MGAT4C: variants seen among roughly 807,000 people sequenced by gnomAD.
MGAT4C encodes the protein alpha-1,3-mannosyl-glycoprotein 4-beta-N-acetylglucosaminyltransferase C.
In MGAT4C, 19 loss-of-function variants were observed where a neutral mutation model predicts 40.1. That is an observed-to-expected ratio of 0.47 (90% confidence interval 0.33 to 0.70). MGAT4C has a LOEUF of 0.70. Ranked by LOEUF, MGAT4C falls within the 30% of genes least tolerant of loss-of-function variation. The pLI, the probability that MGAT4C is intolerant of heterozygous loss-of-function variation, is 0.02. For synonymous variants in MGAT4C, 181 were observed against 187.1 expected, an observed-to-expected ratio of 0.97 and a Z score of 0.27; for missense variants, 491 against 563.2, an observed-to-expected ratio of 0.87 and a Z score of 1.30.
intron 2 of MGAT4C, among the ~76,000 whole-genome samples, chr12:86,465,653 A>G (rs1008500968): frequency 6.6e-5 from 10 of 152,144 alleles, no homozygotes; most frequent in Admixed American, 4.6e-4. Context: ...TGTCTTTTGG[A>G]AACTGCAAAA....
chr12:86,568,724 A>T (rs1003265229), intron 2 of MGAT4C, among the ~76,000 whole-genome samples: 1 of 151,992 alleles, frequency 6.6e-6, no homozygotes, highest in African/African-American at 2.4e-5. Context: ...TGGTATAAAA[A>T]CAGAAACATA....
chr12:86,090,584 C>T (rs764859763), intron 1 of MGAT4C, among the ~76,000 whole-genome samples: 4 of 151,638 alleles, frequency 2.6e-5, no homozygotes, highest in Admixed American at 6.6e-5. Context: ...ATTCTAATAC[C>T]GCAATGAGAA....
At chr12:86,514,383 T>A (rs1303297968) in intron 2 of MGAT4C, among the ~76,000 whole-genome samples, 13 of 152,136 alleles carry the variant, frequency 8.5e-5, no homozygotes, top group Admixed American at 3.3e-4. Flanking sequence ...GACACGAGTT[T>A]ATTATATGTC....
At chr12:86,614,947 T>C (rs1962403311) in intron 2 of MGAT4C, among the ~76,000 whole-genome samples, 1 of 152,004 alleles carries the variant, frequency 6.6e-6, no homozygotes, top group African/African-American at 2.4e-5. Context: ...TCTTTTGGTA[T>C]TGGGATTATG....
At chr12:86,088,445 T>C (rs1409608259) in intron 1 of MGAT4C, among the ~76,000 whole-genome samples, 1 of 151,852 alleles carries the variant, frequency 6.6e-6, no homozygotes, top group African/African-American at 2.4e-5. Context: ...ACCTACAGAA[T>C]AGTGGAAAAT....
chr12:86,273,535 C>A (rs1335778258), intron 4 of MGAT4C, among the ~76,000 whole-genome samples: 3 of 152,028 alleles, frequency 2.0e-5, no homozygotes, highest in Non-Finnish European at 4.4e-5. Context: ...AATCTGCATG[C>A]AACATACATA....
rs568959172 is a variant in MGAT4C, at chr12:86,511,298, CAA to C, written c.-228-76035_-228-76034del. On this transcript the variant is annotated intron_variant, in intron 2 of 7. Transcript: ENST00000548651. ...AGATGTTCTTTGAAACCAACGAGAA[CAA>C]AGACACAACATACCAGAATCTCTGG... Among the ~76,000 whole-genome samples the C allele has an allele frequency of 3.3e-3, 498 of 152,174 alleles. 1 individual carries two copies. Among genetic ancestry groups the C allele is most frequent in the African/African-American group, 0.012 (481 of 41,522 alleles).
chr12:86,288,797 G>T (rs1459995268), intron 4 of MGAT4C, among the ~76,000 whole-genome samples: 1 of 152,004 alleles, frequency 6.6e-6, no homozygotes, highest in Non-Finnish European at 1.5e-5. Flanking sequence ...GCTCCTTAGA[G>T]ATTCCAGATA....
chr12:86,364,774 T>C (rs955879140), intron 3 of MGAT4C, among the ~76,000 whole-genome samples: 1 of 152,146 alleles, frequency 6.6e-6, no homozygotes, highest in African/African-American at 2.4e-5. Flanking sequence ...CAAGTTTTTA[T>C]TAGTGATTTC....
chr12:86,416,208 T>G (rs1757048251), intron 3 of MGAT4C, among the ~76,000 whole-genome samples: 2 of 152,072 alleles, frequency 1.3e-5, no homozygotes, highest in Admixed American at 6.6e-5. Context: ...GGAAGTATTT[T>G]TTATTCAAGT....
chr12:86,749,327 T>C (rs892379792), intron 1 of MGAT4C, among the ~76,000 whole-genome samples: 13 of 151,756 alleles, frequency 8.6e-5, no homozygotes, highest in African/African-American at 2.9e-4. Context: ...TCTTGTGTCT[T>C]GTTAATTGTA....
chr12:86,046,819 A>AT (rs1247545588), intron 2 of MGAT4C, among the ~76,000 whole-genome samples: 1 of 152,208 alleles, frequency 6.6e-6, no homozygotes, highest in Non-Finnish European at 1.5e-5. Flanking sequence ...AATAGAGTGG[A>AT]TACAGTAGCA....
At chr12:86,503,661 C>T (rs1223378561) in intron 2 of MGAT4C, among the ~76,000 whole-genome samples, 2 of 16,472 alleles carry the variant, frequency 1.2e-4, no homozygotes, top group Non-Finnish European at 1.8e-4. Flanking sequence ...GAGTTCTGCT[C>T]ATATATATAT....
rs1207733204 is a variant in MGAT4C, at chr12:85,960,858, TG to T, written c.*18430del. ...CTCTTACCACTGATTTGATTGATAC[TG>T]AGCCTGTAAATATTTATTTATATGA... On this transcript the variant is annotated 3_prime_UTR_variant, in exon 5 of 5. Coordinates refer to ENST00000611864, the MANE Select transcript of MGAT4C (RefSeq NM_001351288.2). 6.6e-6 allele frequency: 1 copy of T among 152,008 alleles called. No individual in the cohort carries two copies. Among genetic ancestry groups the T allele is most frequent in the Non-Finnish European group, 1.5e-5 (1 of 67,866 alleles). The allele number at this position is 152,008 out of a possible 1,614,324, so 9.4% of individuals were successfully genotyped here. A position where few individuals can be genotyped will look rare whatever the true frequency, so the allele number is the denominator to read the frequency against.
intron 2 of MGAT4C, among the ~76,000 whole-genome samples, chr12:85,995,299 C>G (rs1223334345): frequency 6.6e-6 from 1 of 152,038 alleles, no homozygotes; most frequent in Non-Finnish European, 1.5e-5. Flanking sequence ...GATAAAGGTA[C>G]CTAGAATTTG....
intron 3 of MGAT4C, among the ~76,000 whole-genome samples, chr12:86,366,261 A>C (rs1422965947): frequency 6.6e-6 from 1 of 152,176 alleles, no homozygotes; most frequent in Non-Finnish European, 1.5e-5. Context: ...AACTTTACTC[A>C]ATTAGCTTAT....
In MGAT4C at chr12:86,643,358, T is replaced by C. The variant is rs75059462; in HGVS notation, c.-229+83851A>G. Among the ~76,000 whole-genome samples the C allele has an allele frequency of 2.4e-3, 358 of 151,898 alleles. 1 individual carries two copies. Among genetic ancestry groups the C allele is most frequent in the African/African-American group, 7.1e-3 (293 of 41,492 alleles). ...CAAATCATAGCAATGCTCAAAATAA[T>C]TGAAAACATATGCAAACACAAAACA... is the stretch of plus-strand genomic sequence containing the variant. On this transcript the variant is annotated intron_variant, in intron 2 of 7. Coordinates refer to the MGAT4C transcript ENST00000548651.
At chr12:86,041,655 A>T (rs1332096239) in intron 2 of MGAT4C, among the ~76,000 whole-genome samples, 1 of 152,194 alleles carries the variant, frequency 6.6e-6, no homozygotes, top group African/African-American at 2.4e-5. Flanking sequence ...GTATTGACTT[A>T]AATTCTTATA....
At chr12:86,763,631 G>C (rs373532937) in intron 1 of MGAT4C, among the ~76,000 whole-genome samples, 11 of 151,938 alleles carry the variant, frequency 7.2e-5, no homozygotes, top group Admixed American at 2.0e-4. Flanking sequence ...TTACAATATT[G>C]CACATTATTT....
Sources: allele counts gnomAD v4.1 joint callset (sites outside exome capture counted in the v4.1 genomes callset), GRCh38; gene constraint gnomAD v4.1.1; transcripts MANE v1.5; gene names NCBI Gene and HGNC (gene_info 2026-07-23, HGNC 2026-07-21).